The following TGFBR1 variants were observed in gnomAD, a reference collection of about 807,000 sequenced individuals.
The protein encoded by TGFBR1 is TGF-beta receptor type-1.
TGFBR1 carries 20 observed loss-of-function variants against 55.1 expected under a neutral mutation model. The ratio of observed to expected loss-of-function variants is 0.36; its 90% CI spans 0.26 to 0.53. The LOEUF (loss-of-function observed/expected upper bound fraction) is 0.53, where lower values mean the gene tolerates loss of function less well. Ranked by LOEUF, TGFBR1 falls within the 20% of genes least tolerant of loss-of-function variation. TGFBR1 has a pLI of 0.91. For synonymous variants in TGFBR1, 220 were observed against 214.8 expected, an observed-to-expected ratio of 1.02 and a Z score of -0.21; for missense variants, 385 against 617.6, an observed-to-expected ratio of 0.62 and a Z score of 3.99.
chr9:99,144,907 A>G lies in TGFBR1; in HGVS notation c.1130+19A>G, dbSNP rs1238533562. The G allele has an allele frequency of 2.5e-6, 4 of 1,612,164 alleles. No homozygotes were observed. The highest frequency in any genetic ancestry group is 1.1e-5 in the South Asian group (1 of 91,064). ...CAAAAAGGTATACTTTTGAACAACTATATTTAATATCTTCTGAAATCACCT... is the reference window on the plus strand; with the variant it reads ...CAAAAAGGTATACTTTTGAACAACTGTATTTAATATCTTCTGAAATCACCT... On this transcript the variant is annotated intron_variant, in intron 6 of 8. Transcript: ENST00000374994.
chr9:99,123,508 A>T (rs1826953797), intron 1 of TGFBR1, among the ~76,000 whole-genome samples: 1 of 152,112 alleles, frequency 6.6e-6, no homozygotes, highest in South Asian at 2.1e-4. Context: ...AGGGTTACTT[A>T]GCATGGGGAT....
At position 99,151,292 on chromosome 9, in the gene TGFBR1, T is replaced by C; in HGVS notation, c.*1987T>C. On this transcript the variant is annotated 3_prime_UTR_variant, in exon 9 of 9. Coordinates refer to ENST00000374994, the MANE Select transcript of TGFBR1 (RefSeq NM_004612.4). ...GTTACCATAATTTCATTGAAGCAAA[T>C]GAATGAGTTTGAGAGGTTTGTTTTT... 2 of 231,984 alleles carry C rather than the reference T, an allele frequency of 8.6e-6. No homozygotes were observed. The highest frequency in any genetic ancestry group is 8.5e-6 in the Non-Finnish European group (1 of 117,320). The allele number at this position is 231,984 out of a possible 1,614,324, so 14.4% of individuals were successfully genotyped here.
rs11568791 is a variant in TGFBR1, at chr9:99,143,969, G to C, written c.974-763G>C. 2.5e-3 allele frequency among the ~76,000 whole-genome samples: 384 copies of C among 152,288 alleles called. 1 individual carries two copies. The highest frequency in any genetic ancestry group is 8.8e-3 in the African/African-American group (365 of 41,558). ...TCAAGGTTCATTTATGTTGTAGCAC[G>C]TATGAGTACTTCAGTCATTTTGATG... On this transcript the variant is annotated intron_variant, in intron 5 of 8. Transcript: ENST00000374994.
At position 99,147,742 on chromosome 9, in the gene TGFBR1, G is replaced by C; in HGVS notation, c.1344G>C (p.Gln448His). The stretch of plus-strand genomic sequence containing the variant: ...AAATGAGAAAAGTTGTTTGTGAACA[G>C]AAGTTAAGGCCAAATATCCCAAACA... ...VEEMRKVVCE[Q>H]KLRPNIPNRW... Residue 448 changes from glutamine to histidine, a missense_variant, in exon 8 of 9, where the codon CAG becomes CAC. Gln to His is a conservative substitution (Grantham distance 24). Transcript: ENST00000374994. 1 of 1,613,894 alleles carries C rather than the reference G, an allele frequency of 6.2e-7. No individual in the cohort carries two copies. The highest frequency in any genetic ancestry group is 2.2e-5 in the East Asian group (1 of 44,848).
chr9:99,138,803 C>CT (rs751810545), intron 4 of TGFBR1, among the ~76,000 whole-genome samples: 577 of 145,580 alleles, frequency 4.0e-3, no homozygotes, highest in East Asian at 7.9e-3. Context: ...ATGATTCCTA[C>CT]TTTTTTTTTT....
At chr9:99,123,185 G>A (rs145929955) in intron 1 of TGFBR1, among the ~76,000 whole-genome samples, 202 of 152,114 alleles carry the variant, frequency 1.3e-3, no homozygotes, top group African/African-American at 4.8e-3. Context: ...TCTATGTATA[G>A]CCAAGTTTGC....
chr9:99,131,988 G>A (rs2118616109), intron 2 of TGFBR1, among the ~76,000 whole-genome samples: 1 of 151,664 alleles, frequency 6.6e-6, no homozygotes, highest in East Asian at 1.9e-4. Flanking sequence ...AAAAATTGGT[G>A]GAGAGATATA....
intron 1 of TGFBR1, among the ~76,000 whole-genome samples, chr9:99,115,805 C>CCT (rs1234285758): frequency 1.1e-4 from 16 of 151,954 alleles, no homozygotes. Flanking sequence ...TTTCCTTCAA[C>CCT]AATAATTATA....
chr9:99,135,346 T>C lies in TGFBR1; in HGVS notation c.575-2513T>C, dbSNP rs976637689. 2.0e-5 allele frequency among the ~76,000 whole-genome samples: 3 copies of C among 152,230 alleles called. No homozygotes were observed. The East Asian group carries it at 5.8e-4, about 29-fold the overall frequency. On this transcript the variant is annotated intron_variant, in intron 3 of 8. Coordinates refer to ENST00000374994, the MANE Select transcript of TGFBR1 (RefSeq NM_004612.4). ...TAAATCCTTAATGCCACCTTAGGCATGAGACTAGTGCCTGTGAATAAGTAA... is the reference window on the plus strand; with the variant it reads ...TAAATCCTTAATGCCACCTTAGGCACGAGACTAGTGCCTGTGAATAAGTAA...
chr9:99,114,918 G>A (rs1008251688), intron 1 of TGFBR1, among the ~76,000 whole-genome samples: 2 of 152,102 alleles, frequency 1.3e-5, no homozygotes, highest in African/African-American at 2.4e-5. Flanking sequence ...AGTAATGGAC[G>A]TTCGGAATGA....
rs1394408776 is a variant in TGFBR1 at position 99,149,484 on chromosome 9, T to C, written c.*179T>C. On this transcript the variant is annotated 3_prime_UTR_variant, in exon 9 of 9. Coordinates refer to ENST00000374994, the MANE Select transcript of TGFBR1 (RefSeq NM_004612.4). ...TTTCTTTGGACCCAGGAAACAGCCA[T>C]GTGGGTCCTTTCTGTGCACTATGAA... 9.4e-6 allele frequency: 7 copies of C among 745,354 alleles called. No individual in the cohort carries two copies. Among genetic ancestry groups the C allele is most frequent in the South Asian group, 1.7e-5 (1 of 59,674 alleles). The allele number at this position is 745,354 out of a possible 1,614,324, so 46.2% of individuals were successfully genotyped here. A position where few individuals can be genotyped will look rare whatever the true frequency, so the allele number is the denominator to read the frequency against.
In TGFBR1 at chr9:99,151,503, A is replaced by G. The variant is rs1217316846; in HGVS notation, c.*2198A>G. ...TTTATCACTAAAACTATTTTTATAT[A>G]ATTTTAAGAATATACCAAAAGTTGT... On this transcript the variant is annotated 3_prime_UTR_variant, in exon 9 of 9. Transcript: ENST00000374994. 4.4e-6 allele frequency: 1 copy of G among 228,976 alleles called. No homozygotes were observed. The highest frequency in any genetic ancestry group is 8.6e-6 in the Non-Finnish European group (1 of 115,706). The allele number at this position is 228,976 out of a possible 1,614,324, so 14.2% of individuals were successfully genotyped here.
rs1420876178 is a variant in TGFBR1 at position 99,150,892 on chromosome 9, G to C, written c.*1587G>C. 4.5e-6 allele frequency: 1 copy of C among 222,650 alleles called. No individual in the cohort carries two copies. The highest frequency in any genetic ancestry group is 2.2e-5 in the African/African-American group (1 of 44,748). The allele number at this position is 222,650 out of a possible 1,614,324, so 13.8% of individuals were successfully genotyped here. ...TTCCAATGCTATGAAGTCTCTGCAGGGCTTTTACAGTTTTCGAAGTCCTTT... is the reference window on the plus strand; with the variant it reads ...TTCCAATGCTATGAAGTCTCTGCAGCGCTTTTACAGTTTTCGAAGTCCTTT... On this transcript the variant is annotated 3_prime_UTR_variant, in exon 9 of 9. Transcript: ENST00000374994.
chr9:99,128,649 T>C (rs1439192626), intron 1 of TGFBR1: 1 of 731,716 alleles, frequency 1.4e-6, no homozygotes, highest in African/African-American at 1.7e-5. Context: ...TTGCTACATT[T>C]CCTTGGGCTT....
chr9:99,138,724 G>C (rs1827515716), intron 4 of TGFBR1, among the ~76,000 whole-genome samples: 1 of 152,120 alleles, frequency 6.6e-6, no homozygotes, highest in Non-Finnish European at 1.5e-5. Context: ...GAATGAGTGG[G>C]GACTGCAAGC....
At chr9:99,142,440 G>A (rs1414965717) in intron 4 of TGFBR1, 96 bp from the exon 5 acceptor site, 1 of 1,337,642 alleles carries the variant, frequency 7.5e-7, no homozygotes, top group African/African-American at 1.4e-5. Flanking sequence ...ATATTGCAGT[G>A]TGTGACTCAG....
At position 99,142,693 on chromosome 9, in the gene TGFBR1, T is replaced by C; in HGVS notation, c.963T>C (p.Val321=). The change falls in exon 5 of 9, where the codon GTT becomes GTC. Residue 321 remains valine, a synonymous_variant. Transcript: ENST00000374994. ...SGLAHLHMEI[V]GTQGKPAIAH... ...TTGCCCATCTTCACATGGAGATTGTTGGTACCCAAGGTAATTCTATAAGCA... is the reference window on the plus strand; with the variant it reads ...TTGCCCATCTTCACATGGAGATTGTCGGTACCCAAGGTAATTCTATAAGCA... The C allele has an allele frequency of 1.2e-6, 2 of 1,614,038 alleles. No individual in the cohort carries two copies. The highest frequency in any genetic ancestry group is 1.7e-6 in the Non-Finnish European group (2 of 1,179,920).
At chr9:99,118,248 T>A (rs1439308813) in intron 1 of TGFBR1, among the ~76,000 whole-genome samples, 1 of 152,226 alleles carries the variant, frequency 6.6e-6, no homozygotes, top group Non-Finnish European at 1.5e-5. Context: ...TTTTGGATTT[T>A]CCATGTACAT....
In TGFBR1 at chr9:99,149,378, T is replaced by C; in HGVS notation, c.*73T>C. 1 of 1,588,094 alleles carries C rather than the reference T, an allele frequency of 6.3e-7. No individual in the cohort carries two copies. Among genetic ancestry groups the C allele is most frequent in the Non-Finnish European group, 8.6e-7 (1 of 1,157,856 alleles). ...GGGTTTTAATTTGGGAGGTCAATTG[T>C]TCTACCTCACTGAGAGGGAACAGAA... On this transcript the variant is annotated 3_prime_UTR_variant, in exon 9 of 9. Transcript: ENST00000374994.
Sources: allele counts gnomAD v4.1 joint callset (sites outside exome capture counted in the v4.1 genomes callset), GRCh38; gene constraint gnomAD v4.1.1; transcripts MANE v1.5; gene names NCBI Gene and HGNC (gene_info 2026-07-23, HGNC 2026-07-21).